LGR6: variants seen among roughly 807,000 people sequenced by gnomAD.
LGR6 encodes the protein leucine rich repeat containing G protein-coupled receptor 6, also known as leucine-rich repeat-containing G protein-coupled receptor 6.
Under a neutral mutation model 69.4 loss-of-function variants are expected in LGR6, and 45 were observed. The ratio of observed to expected loss-of-function variants is 0.65; its 90% CI spans 0.51 to 0.83. LGR6 has a LOEUF of 0.83. LGR6 is among the 40% of genes least tolerant of loss of function. LGR6 has a pLI of 0.00. For synonymous variants in LGR6, 538 were observed against 555.0 expected (o/e 0.97, Z 0.43); for missense variants, 1,108 against 1,246.7 (o/e 0.89, Z 1.68).
rs539175263 is a variant in LGR6 at position 202,233,033 on chromosome 1, C to T, written c.357-2889C>T. Among the ~76,000 whole-genome samples the T allele has an allele frequency of 5.3e-5, 8 of 152,250 alleles. No homozygotes were observed. In the East Asian group the frequency reaches 1.5e-3, roughly 29 times the overall value. ...CCAAAGCCGACTGCCATGCTGACCT[C>T]CAGCTTGATGGGTGTTGATTCCATG... On this transcript the variant is annotated intron_variant, in intron 3 of 17. Coordinates refer to ENST00000367278, the MANE Select transcript of LGR6 (RefSeq NM_001017403.2).
intron 6 of LGR6, among the ~76,000 whole-genome samples, chr1:202,284,523 C>T (rs1043832011): frequency 3.3e-5 from 5 of 152,162 alleles, no homozygotes; most frequent in Admixed American, 6.5e-5. Flanking sequence ...GCACTAGCTC[C>T]GTCAAGGTCA....
chr1:202,222,280 C>G (rs992352251), intron 1 of LGR6, among the ~76,000 whole-genome samples: 3 of 152,222 alleles, frequency 2.0e-5, no homozygotes, highest in Non-Finnish European at 1.5e-5. Context: ...CCCACCCCAC[C>G]CCCTTTACTG....
At chr1:202,273,311 T>C (rs1259391797) in intron 4 of LGR6, among the ~76,000 whole-genome samples, 1 of 152,150 alleles carries the variant, frequency 6.6e-6, no homozygotes, top group Non-Finnish European at 1.5e-5. Context: ...CTGCCCCTCT[T>C]AGGGAGTCAG....
At chr1:202,244,726 T>C (rs993281700) in intron 4 of LGR6, among the ~76,000 whole-genome samples, 2 of 152,260 alleles carry the variant, frequency 1.3e-5, no homozygotes, top group African/African-American at 4.8e-5. Flanking sequence ...ATGTCCCATT[T>C]ACAGGTTCTG....
chr1:202,277,627 A>C lies in LGR6; in HGVS notation c.644+1106A>C, dbSNP rs6682915. ...CCCAGGTGGATAAGAAGGAGCAGGC[A>C]TTTATTGAGCCCCCATGTGGTGTAC... On this transcript the variant is annotated intron_variant, in intron 5 of 17. Transcript: ENST00000367278. Among the ~76,000 whole-genome samples the C allele has an allele frequency of 1.6e-3, 247 of 152,272 alleles. 2 individuals are homozygous for C. Among genetic ancestry groups the C allele is most frequent in the African/African-American group, 5.7e-3 (238 of 41,550 alleles).
chr1:202,309,258 C>G (rs1653522149), intron 15 of LGR6, 82 bp downstream of exon 15: 3 of 1,535,802 alleles, frequency 2.0e-6, no homozygotes. Flanking sequence ...ATGGCCCCAC[C>G]CTGAGAAGAG....
rs879263893 is a variant in LGR6 at position 202,237,376 on chromosome 1, G to A, written c.428+1383G>A. 6.3e-4 allele frequency among the ~76,000 whole-genome samples: 96 copies of A among 152,250 alleles called. 1 individual carries two copies. Among genetic ancestry groups the A allele is most frequent in the Admixed American group, 1.8e-3 (28 of 15,290 alleles). On this transcript the variant is annotated intron_variant, in intron 4 of 17. Transcript: ENST00000367278. ...CTAAACATTTGCCTAGGGCACCAGC[G>A]CAGCAGGGACAGCCAAAAATAAGGG...
At chr1:202,304,751 A>G (rs1488181550) in intron 11 of LGR6, 121 bp downstream of exon 11, 6 of 692,986 alleles carry the variant, frequency 8.7e-6, no homozygotes, top group Non-Finnish European at 1.2e-5. Flanking sequence ...GGAGCAGCAT[A>G]GGCTCCTGCT....
intron 1 of LGR6, among the ~76,000 whole-genome samples, chr1:202,214,990 GGTGTGTGTGT>G (rs3221675): frequency 4.8e-5 from 7 of 145,524 alleles, no homozygotes; most frequent in African/African-American, 1.3e-4. Context: ...GGTGCACCTG[GGTGTGTGTGT>G]GTGTGTGTGT....
chr1:202,317,041 C>T (rs1247359712), intron 17 of LGR6, among the ~76,000 whole-genome samples: 1 of 152,200 alleles, frequency 6.6e-6, no homozygotes, highest in African/African-American at 2.4e-5. Flanking sequence ...GTACCCCTCT[C>T]ACAGAGCAAG....
rs1185827979 is a variant in LGR6 at position 202,210,015 on chromosome 1, G to A, written c.213-15408G>A. The stretch of plus-strand genomic sequence containing the variant: ...ATCACGGTTGATTTACTGCAAGGAT[G>A]TGGTGAAGAAATGGGTTCAGACCAG... On this transcript the variant is annotated intron_variant, in intron 1 of 17. Transcript: ENST00000367278. Among the ~76,000 whole-genome samples, 4 of 152,256 alleles carry A rather than the reference G, an allele frequency of 2.6e-5. No individual in the cohort carries two copies. In the East Asian group the frequency reaches 7.7e-4, roughly 29 times the overall value.
intron 1 of LGR6, among the ~76,000 whole-genome samples, chr1:202,219,934 G>A (rs1389159726): frequency 6.6e-6 from 1 of 152,032 alleles, no homozygotes; most frequent in African/African-American, 2.4e-5. Context: ...GGGGTACAGT[G>A]GCATGATCTT....
At position 202,235,956 on chromosome 1, in the gene LGR6, G is replaced by C; in HGVS notation, c.391G>C (p.Ala131Pro). 1 of 1,613,940 alleles carries C rather than the reference G, an allele frequency of 6.2e-7. No homozygotes were observed. The highest frequency in any genetic ancestry group is 8.5e-7 in the Non-Finnish European group (1 of 1,180,004). The change falls in exon 4 of 18, where the codon GCA becomes CCA. Residue 131 changes from alanine to proline, a missense_variant. Transcript: ENST00000367278. The stretch of plus-strand genomic sequence containing the variant: ...GAACAATCAGCTGGGAGGAATCCCC[G>C]CAGAGGCGCTGTGGGAGCTGCCGAG... ...LQNNQLGGIP[A>P]EALWELPSLQ...
chr1:202,199,425 C>T (rs1210548334), intron 1 of LGR6, among the ~76,000 whole-genome samples: 1 of 152,090 alleles, frequency 6.6e-6, no homozygotes, highest in Non-Finnish European at 1.5e-5. Context: ...CACCCCAGTT[C>T]AAAGGAAAGG....
At chr1:202,198,369 G>A (rs192552496) in intron 1 of LGR6, among the ~76,000 whole-genome samples, 235 of 152,356 alleles carry the variant, frequency 1.5e-3, no homozygotes, top group Non-Finnish European at 2.7e-3. Flanking sequence ...CTACCTCATA[G>A]GGTTGTTGTG....
intron 4 of LGR6, among the ~76,000 whole-genome samples, chr1:202,261,078 T>A (rs1277187220): frequency 6.6e-6 from 1 of 151,316 alleles, no homozygotes; most frequent in Non-Finnish European, 1.5e-5. Flanking sequence ...ATGTTTTCTT[T>A]TTATTATTAT....
At chr1:202,280,204 TCTG>T (rs976776220) in intron 5 of LGR6, among the ~76,000 whole-genome samples, 1 of 152,116 alleles carries the variant, frequency 6.6e-6, no homozygotes, top group African/African-American at 2.4e-5. Context: ...TGCCCTTCCT[TCTG>T]CTTGTTCAGT....
intron 4 of LGR6, among the ~76,000 whole-genome samples, chr1:202,275,100 C>T (rs77782010): frequency 1.3e-5 from 2 of 152,188 alleles, no homozygotes; most frequent in African/African-American, 4.8e-5. Context: ...AAGAATATCA[C>T]CCCATCCCAC....
At chr1:202,242,797 AG>A (rs1662322324) in intron 4 of LGR6, among the ~76,000 whole-genome samples, 1 of 152,194 alleles carries the variant, frequency 6.6e-6, no homozygotes, top group Non-Finnish European at 1.5e-5. Context: ...CCTCTGGACA[AG>A]CCCCCCTCAT....
Sources: gnomAD v4.1 joint callset for allele counts (sites outside exome capture counted in the v4.1 genomes callset) on GRCh38, gnomAD v4.1.1 for gene constraint, MANE v1.5 for transcripts, NCBI Gene and HGNC (gene_info 2026-07-23, HGNC 2026-07-21) for gene names.